Variants in WBP1L observed in about 807,000 individuals in gnomAD.
The protein encoded by WBP1L is WW domain binding protein 1-like.
A neutral mutation model predicts 33.7 loss-of-function variants in WBP1L; 17 were observed. The ratio of observed to expected loss-of-function variants is 0.50; its 90% CI spans 0.34 to 0.76. WBP1L has a LOEUF of 0.76. WBP1L is among the 30% of genes least tolerant of loss of function. The pLI is 0.01. For synonymous variants in WBP1L, 173 were observed against 190.8 expected (o/e 0.91, Z 0.77); for missense variants, 389 against 469.4 (o/e 0.83, Z 1.58).
At chr10:102,773,913 T>C (rs1564759556) in intron 1 of WBP1L, among the ~76,000 whole-genome samples, 1 of 151,606 alleles carries the variant, frequency 6.6e-6, no homozygotes, top group African/African-American at 2.4e-5. Flanking sequence ...CATAGCCCAT[T>C]AGAGCAAGGT....
intron 1 of WBP1L, among the ~76,000 whole-genome samples, chr10:102,782,030 G>A (rs888246181): frequency 1.3e-5 from 2 of 151,936 alleles, no homozygotes; most frequent in South Asian, 2.1e-4. Flanking sequence ...ACCATGCCCA[G>A]CTAATTTTTC....
chr10:102,750,549 G>A (rs978935379), intron 1 of WBP1L, among the ~76,000 whole-genome samples: 3 of 150,846 alleles, frequency 2.0e-5, no homozygotes, highest in East Asian at 1.9e-4. Flanking sequence ...CTTTTGAAAC[G>A]GTGTCTTGCT....
intron 1 of WBP1L, among the ~76,000 whole-genome samples, chr10:102,761,420 G>A (rs916382747): frequency 6.6e-6 from 1 of 151,492 alleles, no homozygotes; most frequent in African/African-American, 2.4e-5. Context: ...GATTACAGGC[G>A]TGAGCCACTA....
At chr10:102,749,602 C>T (rs1273041398) in intron 1 of WBP1L, among the ~76,000 whole-genome samples, 1 of 151,790 alleles carries the variant, frequency 6.6e-6, no homozygotes, top group African/African-American at 2.4e-5. Context: ...GCGTGAGCCA[C>T]CATGCCTGGC....
intron 1 of WBP1L, among the ~76,000 whole-genome samples, chr10:102,756,727 G>A (rs1291962109): frequency 6.6e-6 from 1 of 152,094 alleles, no homozygotes; most frequent in Non-Finnish European, 1.5e-5. Context: ...GGAGTAGATA[G>A]TGCCACGTTG....
chr10:102,786,534 C>T lies in WBP1L; in HGVS notation c.91-11459C>T, dbSNP rs181340690. Among the ~76,000 whole-genome samples the T allele has an allele frequency of 7.9e-5, 12 of 152,234 alleles. No homozygotes were observed. The East Asian group carries it at 2.3e-3, about 29-fold the overall frequency. ...ACAAATATTTCAGATGATCTGGGGC[C>T]CATGGACCACACTTTTGGGAAACAC... On this transcript the variant is annotated intron_variant, in intron 1 of 3. Coordinates refer to ENST00000448841, the MANE Select transcript of WBP1L (RefSeq NM_001083913.2).
At chr10:102,755,691 C>A (rs1446807544) in intron 1 of WBP1L, among the ~76,000 whole-genome samples, 1 of 151,964 alleles carries the variant, frequency 6.6e-6, no homozygotes, top group African/African-American at 2.4e-5. Flanking sequence ...CTGTGCCCAG[C>A]CTACATTCTT....
intron 2 of WBP1L, among the ~76,000 whole-genome samples, chr10:102,799,952 G>T (rs990474747): frequency 2.6e-5 from 4 of 152,106 alleles, no homozygotes; most frequent in Admixed American, 2.6e-4. Context: ...GACTGAGGAC[G>T]GGCTCATCTG....
chr10:102,781,275 G>T (rs924924247), intron 1 of WBP1L, among the ~76,000 whole-genome samples: 2 of 152,180 alleles, frequency 1.3e-5, no homozygotes, highest in African/African-American at 2.4e-5. Context: ...GGAGAGGGAA[G>T]GGGGGGAATT....
chr10:102,745,557 A>AT, intron 1 of WBP1L, among the ~76,000 whole-genome samples: 1 of 152,158 alleles, frequency 6.6e-6, no homozygotes, highest in Non-Finnish European at 1.5e-5. Context: ...ATCCTACAAT[A>AT]TGTGGTCTTT....
intron 1 of WBP1L, among the ~76,000 whole-genome samples, chr10:102,795,834 C>G (rs1219503426): frequency 6.6e-6 from 1 of 152,186 alleles, no homozygotes; most frequent in African/African-American, 2.4e-5. Context: ...ATGTTTTGCT[C>G]TGAAGTCAAA....
At chr10:102,783,028 G>A (rs1270800671) in intron 1 of WBP1L, among the ~76,000 whole-genome samples, 3 of 152,150 alleles carry the variant, frequency 2.0e-5, no homozygotes, top group East Asian at 1.9e-4. Flanking sequence ...GGTTTCCATC[G>A]AGGGTGTGAA....
At chr10:102,766,935 A>G (rs1025401749) in intron 1 of WBP1L, among the ~76,000 whole-genome samples, 8 of 152,040 alleles carry the variant, frequency 5.3e-5, no homozygotes, top group Non-Finnish European at 1.2e-4. Flanking sequence ...TGGTTTGGAG[A>G]GCAATTGTGA....
chr10:102,786,797 T>G (rs766678997), intron 1 of WBP1L, among the ~76,000 whole-genome samples: 1 of 152,198 alleles, frequency 6.6e-6, no homozygotes, highest in Admixed American at 6.5e-5. Flanking sequence ...TTGGGGACCA[T>G]GACACTGTGG....
intron 1 of WBP1L, among the ~76,000 whole-genome samples, chr10:102,762,149 G>A (rs1843050103): frequency 6.6e-6 from 1 of 152,122 alleles, no homozygotes; most frequent in Non-Finnish European, 1.5e-5. Flanking sequence ...CGCTACAGCT[G>A]GCCATCTTTT....
At chr10:102,808,499 GC>G in intron 2 of WBP1L, among the ~76,000 whole-genome samples, 1 of 152,028 alleles carries the variant, frequency 6.6e-6, no homozygotes, top group Non-Finnish European at 1.5e-5. Flanking sequence ...GTGGGGCTTG[GC>G]CTCTGTTCCG....
intron 1 of WBP1L, chr10:102,776,172 G>C: frequency 6.3e-6 from 9 of 1,432,508 alleles, no homozygotes; most frequent in Non-Finnish European, 8.2e-6. Flanking sequence ...ACGAGAAGGT[G>C]GGGGTGGGCC....
intron 1 of WBP1L, chr10:102,776,356 T>C: frequency 5.6e-6 from 9 of 1,614,164 alleles, no homozygotes; most frequent in Non-Finnish European, 7.6e-6. Context: ...AAGAGCCCTT[T>C]GTTCCAACGT....
At chr10:102,771,115 TATC>T (rs1171109914) in intron 1 of WBP1L, among the ~76,000 whole-genome samples, 1 of 152,158 alleles carries the variant, frequency 6.6e-6, no homozygotes, top group East Asian at 1.9e-4. Flanking sequence ...AACAAATGAT[TATC>T]TCTCCCCTAC....
Sources: gnomAD v4.1 joint callset for allele counts (sites outside exome capture counted in the v4.1 genomes callset) on GRCh38, gnomAD v4.1.1 for gene constraint, MANE v1.5 for transcripts, NCBI Gene and HGNC (gene_info 2026-07-23, HGNC 2026-07-21) for gene names.